CIITA: variants seen among roughly 807,000 people sequenced by gnomAD.
CIITA encodes the protein MHC class II transactivator.
CIITA carries 72 observed loss-of-function variants against 115.1 expected under a neutral mutation model. The observed-to-expected ratio is 0.63, with a 90% CI of 0.52 to 0.76. The LOEUF (loss-of-function observed/expected upper bound fraction) is 0.76, where lower values mean the gene tolerates loss of function less well. CIITA is among the 30% of genes least tolerant of loss of function. The pLI is 0.00. For missense variants in CIITA, 1,617 were observed against 1,463.8 expected, an observed-to-expected ratio of 1.10 and a Z score of -1.71; for synonymous variants, 763 against 635.6, an observed-to-expected ratio of 1.20 and a Z score of -3.02.
At position 10,933,112 on chromosome 16, in the gene CIITA, C is replaced by T. The variant is rs1046319112; in HGVS notation, c.*9257C>T. 6.6e-6 allele frequency: 1 copy of T among 152,250 alleles called. No individual in the cohort carries two copies. Among genetic ancestry groups the T allele is most frequent in the Non-Finnish European group, 1.5e-5 (1 of 68,082 alleles). The allele number at this position is 152,250 out of a possible 1,614,324, so 9.4% of individuals were successfully genotyped here. A position where few individuals can be genotyped will look rare whatever the true frequency, so the allele number is the denominator to read the frequency against. ...CCAACCTTCTGACATCATCAGAGCACAGCAGACAAGTTATCAGCCACTAGA... is the reference window on the plus strand; with the variant it reads ...CCAACCTTCTGACATCATCAGAGCATAGCAGACAAGTTATCAGCCACTAGA... On this transcript the variant is annotated 3_prime_UTR_variant, in exon 20 of 20. Transcript: ENST00000324288.
In CIITA at chr16:10,879,913, G is replaced by A. The variant is rs2143583647; in HGVS notation, c.52+2531G>A. Reference sequence around the variant, plus strand: ...CACCCTAGGTGGCACAGGAGAGGTGGCAAAAGCCTAGAAGTTCAAGGCATG... The same window carrying A: ...CACCCTAGGTGGCACAGGAGAGGTGACAAAAGCCTAGAAGTTCAAGGCATG... On this transcript the variant is annotated intron_variant, in intron 1 of 19. Coordinates refer to ENST00000324288, the MANE Select transcript of CIITA (RefSeq NM_000246.4). This position sits in a 1 kb window ranked among gnomAD's most constrained non-coding sequence, Gnocchi z 4.3. Among the ~76,000 whole-genome samples, 1 of 152,280 alleles carries A rather than the reference G, an allele frequency of 6.6e-6. No individual in the cohort carries two copies. The highest frequency in any genetic ancestry group is 6.5e-5 in the Admixed American group (1 of 15,300).
upstream of CIITA, among the ~76,000 whole-genome samples, chr16:10,876,268 G>T (rs1178567111): frequency 3.9e-5 from 6 of 152,202 alleles, no homozygotes; most frequent in African/African-American, 1.4e-4. Flanking sequence ...TCCTGCTTCG[G>T]CCTCCCAAAA....
At chr16:10,882,043 T>C (rs920931142) in intron 1 of CIITA, among the ~76,000 whole-genome samples, 5 of 152,236 alleles carry the variant, frequency 3.3e-5, no homozygotes, top group Non-Finnish European at 5.9e-5. Flanking sequence ...GGATATCCCA[T>C]ATTTTGTTCA....
chr16:10,893,446 T>C (rs2037794909), intron 1 of CIITA, among the ~76,000 whole-genome samples: 1 of 152,194 alleles, frequency 6.6e-6, no homozygotes, highest in South Asian at 2.1e-4. Context: ...GTTCTTCATC[T>C]GCCAATGGAG....
chr16:10,917,956 A>G (rs78687289), intron 15 of CIITA, among the ~76,000 whole-genome samples: 4 of 152,102 alleles, frequency 2.6e-5, no homozygotes, highest in Non-Finnish European at 4.4e-5. Flanking sequence ...TGTAAGCTAG[A>G]TTTCTTCTCC....
Position 10,869,522 on chromosome 16 carries a change from C to CTTT in CIITA, c.-21+3214_-21+3216dup, listed in dbSNP as rs113683242. Among the ~76,000 whole-genome samples, 372 of 146,188 alleles carry CTTT rather than the reference C, an allele frequency of 2.5e-3. 2 individuals carry two copies. The highest frequency in any genetic ancestry group is 9.2e-3 in the African/African-American group (362 of 39,480). On this transcript the variant is annotated intron_variant, in intron 1 of 5. Transcript: ENST00000636238. ...CCTCCCCAGATTGATTTTTTCCCCACTTTTTTTTTTTTTGATACAGAGTCT... is the reference window on the plus strand; with the variant it reads ...CCTCCCCAGATTGATTTTTTCCCCACTTTTTTTTTTTTTTTTGATACAGAGTCT...
Position 10,898,919 on chromosome 16 carries a change from A to T in CIITA, c.359-6A>T, listed in dbSNP as rs1204922202. The T allele has an allele frequency of 1.2e-6, 2 of 1,613,772 alleles. No individual in the cohort carries two copies. Among genetic ancestry groups the T allele is most frequent in the South Asian group, 2.2e-5 (2 of 91,062 alleles). On this transcript the variant is annotated splice_region_variant and splice_polypyrimidine_tract_variant and intron_variant, in intron 4 of 19. Transcript: ENST00000324288. The stretch of plus-strand genomic sequence containing the variant: ...GTGAGTTGGTCTCTGGTTTTTCTCA[A>T]AGTAGAGCACATAGGACCAGATGAA...
In CIITA at chr16:10,923,218, C is replaced by T; in HGVS notation, c.3318-10C>T. 1 of 1,612,522 alleles carries T rather than the reference C, an allele frequency of 6.2e-7. No individual in the cohort carries two copies. The highest frequency in any genetic ancestry group is 8.5e-7 in the Non-Finnish European group (1 of 1,179,874). Reference sequence around the variant, plus strand: ...TCTAACCTGGCTCTGAGTCCCATCCCCCCTTGCAGGATGTGGACGCCCACC... The same window carrying T: ...TCTAACCTGGCTCTGAGTCCCATCCTCCCTTGCAGGATGTGGACGCCCACC... On this transcript the variant is annotated splice_polypyrimidine_tract_variant and intron_variant, in intron 18 of 19. Coordinates refer to ENST00000324288, the MANE Select transcript of CIITA (RefSeq NM_000246.4). This position sits in a 1 kb window ranked among gnomAD's most constrained non-coding sequence, Gnocchi z 5.2.
In CIITA at chr16:10,901,391, A is replaced by T; in HGVS notation, c.437-123A>T. ...GGAATGTTAGAGCGAGGGGAGGAAAATGGACCCCCAAGACCACTACCCAGC... is the reference window on the plus strand; with the variant it reads ...GGAATGTTAGAGCGAGGGGAGGAAATTGGACCCCCAAGACCACTACCCAGC... On this transcript the variant is annotated intron_variant, in intron 5 of 19. Transcript: ENST00000324288. The surrounding 1 kb of genome is among the most constrained non-coding windows in gnomAD (Gnocchi z 6.8). The T allele has an allele frequency of 9.9e-7, 1 of 1,010,514 alleles. No homozygotes were observed. Among genetic ancestry groups the T allele is most frequent in the Non-Finnish European group, 1.5e-6 (1 of 653,846 alleles). The allele number at this position is 1,010,514 out of a possible 1,614,324, so 62.6% of individuals were successfully genotyped here.
intron 8 of CIITA, 69 bp downstream of exon 8, chr16:10,902,870 C>A: frequency 6.3e-7 from 1 of 1,577,498 alleles, no homozygotes; most frequent in South Asian, 1.1e-5. Flanking sequence ...CTCATCCTCC[C>A]CATACTCCAT....
At chr16:10,912,548 C>T (rs2039653215) in intron 13 of CIITA, among the ~76,000 whole-genome samples, 1 of 152,166 alleles carries the variant, frequency 6.6e-6, no homozygotes, top group Non-Finnish European at 1.5e-5. Context: ...CCCGTGGTCC[C>T]CCAGCTGGTC....
At chr16:10,871,327 A>G (rs140221589) in intron 1 of CIITA, among the ~76,000 whole-genome samples, 56 of 152,254 alleles carry the variant, frequency 3.7e-4, no homozygotes, top group African/African-American at 1.3e-3. Flanking sequence ...AGTGGGGGCA[A>G]CCTCAGCTGG....
chr16:10,881,733 A>G (rs1459189847), intron 1 of CIITA, among the ~76,000 whole-genome samples: 2 of 152,218 alleles, frequency 1.3e-5, no homozygotes, highest in Non-Finnish European at 2.9e-5. Flanking sequence ...CAGTGGCATT[A>G]AATATTTCAA....
intron 1 of CIITA, among the ~76,000 whole-genome samples, chr16:10,882,138 T>C (rs1411603875): frequency 6.6e-6 from 1 of 152,244 alleles, no homozygotes; most frequent in African/African-American, 2.4e-5. Flanking sequence ...GGTGGACAAA[T>C]ATCTGTCTGA....
chr16:10,887,865 T>C (rs2037119965), intron 1 of CIITA, among the ~76,000 whole-genome samples: 1 of 152,174 alleles, frequency 6.6e-6, no homozygotes, highest in Admixed American at 6.5e-5. Context: ...AAGAGCCTTC[T>C]TCTCCCTTTC....
chr16:10,905,200 C>T (rs2039053921), intron 10 of CIITA, among the ~76,000 whole-genome samples: 1 of 152,198 alleles, frequency 6.6e-6, no homozygotes, highest in Non-Finnish European at 1.5e-5. Flanking sequence ...AATGCTTACT[C>T]TCACATACTG....
In CIITA at chr16:10,923,288, G is replaced by T; in HGVS notation, c.3378G>T (p.Arg1126=). The change falls in exon 19 of 20, where the codon CGG becomes CGT. Residue 1126 remains arginine (R), a synonymous_variant. Coordinates refer to ENST00000324288, the MANE Select transcript of CIITA (RefSeq NM_000246.4). The surrounding 1 kb of genome is among the most constrained non-coding windows in gnomAD (Gnocchi z 5.2). ...VQEHLQQQDS[R]ISLR ...AACACCTGCAACAACAGGATTCACGGATCAGCCTGAGATGATCCCAGCTGT... is the reference window on the plus strand; with the variant it reads ...AACACCTGCAACAACAGGATTCACGTATCAGCCTGAGATGATCCCAGCTGT... The T allele has an allele frequency of 6.5e-7, 1 of 1,529,478 alleles. No individual in the cohort carries two copies. The highest frequency in any genetic ancestry group is 1.1e-5 in the South Asian group (1 of 90,134). The allele number at this position is 1,529,478 out of a possible 1,614,324, so 94.7% of individuals were successfully genotyped here.
At chr16:10,868,480 T>C (rs781747277) in intron 1 of CIITA, among the ~76,000 whole-genome samples, 28 of 152,332 alleles carry the variant, frequency 1.8e-4, no homozygotes, top group Admixed American at 3.9e-4. Context: ...CTCACCCAAG[T>C]GGTTTCCATC....
At position 10,901,445 on chromosome 16, in the gene CIITA, G is replaced by A; in HGVS notation, c.437-69G>A. The A allele has an allele frequency of 6.5e-7, 1 of 1,549,242 alleles. No homozygotes were observed. The highest frequency in any genetic ancestry group is 8.9e-7 in the Non-Finnish European group (1 of 1,121,934). On this transcript the variant is annotated intron_variant, in intron 5 of 19. Coordinates refer to ENST00000324288, the MANE Select transcript of CIITA (RefSeq NM_000246.4). The surrounding 1 kb of genome is among the most constrained non-coding windows in gnomAD (Gnocchi z 6.8). ...GAAGTTAAGGCCGTATAGCCTGCTA[G>A]AGTCCTGAGCCCCTTCTGGCTTGGG...
Sources: gnomAD v4.1 joint callset for allele counts (sites outside exome capture counted in the v4.1 genomes callset) on GRCh38, gnomAD v4.1.1 for gene constraint, Gnocchi (gnomAD v3.1) non-coding constraint, MANE v1.5 for transcripts, NCBI Gene and HGNC (gene_info 2026-07-23, HGNC 2026-07-21) for gene names.